The following FAM149A variants were observed in gnomAD, a reference collection of about 807,000 sequenced individuals.
FAM149A encodes family with sequence similarity 149 member A, also known as protein FAM149A.
A neutral mutation model predicts 78.2 loss-of-function variants in FAM149A; 71 were observed. That is an observed-to-expected ratio of 0.91 (90% CI 0.75 to 1.11). The LOEUF (loss-of-function observed/expected upper bound fraction) is 1.11. Ranked by LOEUF, FAM149A falls within the 50% of genes least tolerant of loss-of-function variation. FAM149A has a pLI of 0.00. For missense variants in FAM149A, 1,036 were observed against 971.0 expected (o/e 1.07, Z -0.89); for synonymous variants, 446 against 410.5 (o/e 1.09, Z -1.04).
intron 1 of FAM149A, among the ~76,000 whole-genome samples, chr4:186,147,115 G>T (rs1733114035): frequency 6.6e-6 from 1 of 152,208 alleles, no homozygotes; most frequent in South Asian, 2.1e-4. Flanking sequence ...CAGTGCGGTG[G>T]CTCATGCCTA....
intron 1 of FAM149A, chr4:186,122,721 G>C (rs1014664111): frequency 7.6e-6 from 2 of 261,624 alleles, no homozygotes; most frequent in Non-Finnish European, 1.2e-5. Context: ...TTATTATTCT[G>C]ACCTCAACAG....
intron 1 of FAM149A, among the ~76,000 whole-genome samples, chr4:186,111,456 A>G (rs1317145818): frequency 6.6e-6 from 1 of 152,040 alleles, no homozygotes; most frequent in Non-Finnish European, 1.5e-5. Flanking sequence ...TGTTTTGGAC[A>G]TGAAGTCCTT....
chr4:186,157,993 A>T, intron 8 of FAM149A: 1 of 1,489,440 alleles, frequency 6.7e-7, no homozygotes. Context: ...CTTGGCTTCC[A>T]GATGGAGCAG....
chr4:186,133,209 GAC>G (rs1261997616), intron 1 of FAM149A: 102 of 984,010 alleles, frequency 1.0e-4, no homozygotes, highest in Non-Finnish European at 1.2e-4. Flanking sequence ...ATATGCATGA[GAC>G]AGAATTTATT....
intron 1 of FAM149A, among the ~76,000 whole-genome samples, chr4:186,129,860 T>G (rs750432734): frequency 1.3e-5 from 2 of 152,344 alleles, no homozygotes; most frequent in African/African-American, 2.4e-5. Context: ...AAAAGGAAGC[T>G]GATGTATCTT....
chr4:186,149,118 A>T, intron 1 of FAM149A, 55 bp from the exon 2 acceptor site: 1 of 1,229,226 alleles, frequency 8.1e-7, no homozygotes, highest in South Asian at 1.4e-5. Flanking sequence ...AGTCTTAATG[A>T]ATAAAACTAT....
At chr4:186,154,729 G>A in intron 6 of FAM149A, 91 bp downstream of exon 6, 1 of 1,451,232 alleles carries the variant, frequency 6.9e-7, no homozygotes, top group Non-Finnish European at 9.1e-7. Flanking sequence ...AGTGTTTTGT[G>A]TATTTTTTAC....
chr4:186,167,654 AAC>A, intron 13 of FAM149A: 5 of 310,456 alleles, frequency 1.6e-5, no homozygotes, highest in Non-Finnish European at 3.2e-5. Context: ...TGAGAAAATT[AAC>A]ACAGATTTGC....
At chr4:186,146,926 G>T (rs985410477) in intron 1 of FAM149A, 25 of 985,338 alleles carry the variant, frequency 2.5e-5, no homozygotes, top group East Asian at 1.1e-4. Context: ...GGCATCTTTT[G>T]TGTGACGAGT....
At chr4:186,151,083 A>G (rs1733540203) in intron 3 of FAM149A, 4 of 984,824 alleles carry the variant, frequency 4.1e-6, no homozygotes, top group Non-Finnish European at 4.8e-6. Flanking sequence ...TGCAGCTGTG[A>G]TTCTCAGGGG....
At chr4:186,166,244 T>C (rs1372923239) in intron 11 of FAM149A, among the ~76,000 whole-genome samples, 1 of 152,190 alleles carries the variant, frequency 6.6e-6, no homozygotes, top group Non-Finnish European at 1.5e-5. Context: ...AAACCCTACC[T>C]GGGGCCAGGT....
intron 1 of FAM149A, chr4:186,146,483 C>T (rs1733048264): frequency 1.0e-6 from 1 of 985,362 alleles, no homozygotes. Flanking sequence ...ATGAGTTCCT[C>T]CGTTTTGTAA....
At chr4:186,118,093 T>C (rs1006907226) in intron 1 of FAM149A, 23 of 985,342 alleles carry the variant, frequency 2.3e-5, no homozygotes, top group Non-Finnish European at 2.8e-5. Flanking sequence ...CATGGTGGAA[T>C]ATGGCAGGAA....
At chr4:186,160,655 CTACACACCCCACACA>C (rs1381148071) in intron 8 of FAM149A, 1 of 269,148 alleles carries the variant, frequency 3.7e-6, no homozygotes, top group Non-Finnish European at 5.6e-6. Context: ...CACCCCACAC[CTACACACCCCACACA>C]TACACACACA....
At chr4:186,146,788 A>T in intron 1 of FAM149A, 2 of 985,164 alleles carry the variant, frequency 2.0e-6, no homozygotes, top group Non-Finnish European at 2.4e-6. Flanking sequence ...TCTGGGGAAT[A>T]TTTTCATGTC....
rs1394969423 is a variant in FAM149A, at chr4:186,175,195, G to C, written c.*3208G>C. On this transcript the variant is annotated 3_prime_UTR_variant, in exon 14 of 14. Transcript: ENST00000389354. ...AGAAGTACGTTTTTATATATCATTT[G>C]GATATTATATTTTTTATTGTTTTAT... 9.0e-6 allele frequency among the ~76,000 whole-genome samples: 1 copy of C among 110,962 alleles called. No homozygotes were observed. The highest frequency in any genetic ancestry group is 8.8e-5 in the Admixed American group (1 of 11,398). The allele number at this position is 110,962 out of a possible 152,430, so 72.8% of individuals were successfully genotyped here.
intron 1 of FAM149A, among the ~76,000 whole-genome samples, chr4:186,136,832 C>G (rs546414568): frequency 3.3e-5 from 5 of 152,270 alleles, no homozygotes; most frequent in Admixed American, 3.3e-4. Context: ...GGTGGCTCTG[C>G]CTTTCCGTCC....
intron 1 of FAM149A, among the ~76,000 whole-genome samples, chr4:186,146,251 C>T (rs1733025158): frequency 6.6e-6 from 1 of 151,982 alleles, no homozygotes; most frequent in South Asian, 2.1e-4. Context: ...CAAGAAATTG[C>T]TTAAAAGGAG....
intron 1 of FAM149A, among the ~76,000 whole-genome samples, chr4:186,136,946 C>CTCTCTCTCTCTTTCTCTTTCTCTT (rs2099323073): frequency 7.8e-6 from 1 of 128,720 alleles, no homozygotes; most frequent in African/African-American, 3.1e-5. Flanking sequence ...ATCTCTCTCT[C>CTCTCTCTCTCTTTCTCTTTCTCTT]TCTCTCTCTC....
Sources: allele counts gnomAD v4.1 joint callset (sites outside exome capture counted in the v4.1 genomes callset), GRCh38; gene constraint gnomAD v4.1.1; transcripts MANE v1.5; gene names NCBI Gene and HGNC (gene_info 2026-07-23, HGNC 2026-07-21).